Variants in PIGK observed in about 807,000 individuals in gnomAD.
The protein encoded by PIGK is GPI-anchor transamidase.
PIGK carries 42 observed loss-of-function variants against 50.6 expected under a neutral mutation model. That is an observed-to-expected ratio of 0.83 (90% CI 0.65 to 1.07). The LOEUF (loss-of-function observed/expected upper bound fraction) is 1.07, where lower values mean the gene tolerates loss of function less well. PIGK is among the 50% of genes least tolerant of loss of function. PIGK has a pLI of 0.00. For synonymous variants in PIGK, 151 were observed against 156.0 expected, an observed-to-expected ratio of 0.97 and a Z score of 0.24; for missense variants, 448 against 488.7, an observed-to-expected ratio of 0.92 and a Z score of 0.78.
At chr1:77,217,047 A>G (rs985539766) in intron 1 of PIGK, among the ~76,000 whole-genome samples, 2 of 152,226 alleles carry the variant, frequency 1.3e-5, no homozygotes, top group African/African-American at 4.8e-5. Context: ...TCAAGAATCC[A>G]GAGTTCAATA....
At chr1:77,141,302 A>T (rs920016882) in intron 9 of PIGK, among the ~76,000 whole-genome samples, 1 of 152,118 alleles carries the variant, frequency 6.6e-6, no homozygotes, top group Non-Finnish European at 1.5e-5. Flanking sequence ...AAGAACTCTT[A>T]TATTTCATTA....
intron 2 of PIGK, among the ~76,000 whole-genome samples, chr1:77,207,229 T>C (rs1198825704): frequency 1.3e-5 from 2 of 152,198 alleles, no homozygotes; most frequent in African/African-American, 4.8e-5. Context: ...TAACTAGTAT[T>C]AGATTTTAAA....
At chr1:77,172,050 C>G (rs1461945647) in intron 3 of PIGK, among the ~76,000 whole-genome samples, 1 of 149,114 alleles carries the variant, frequency 6.7e-6, no homozygotes, top group Admixed American at 6.7e-5. Context: ...AGAAGAGCTT[C>G]AAGTCTGGTT....
In PIGK at chr1:77,089,534, C is replaced by T. The variant is rs1653252445; in HGVS notation, c.*2840G>A. 1 of 152,604 alleles carries T rather than the reference C, an allele frequency of 6.6e-6. No individual in the cohort carries two copies. The highest frequency in any genetic ancestry group is 1.5e-5 in the Non-Finnish European group (1 of 68,040). The allele number at this position is 152,604 out of a possible 1,614,324, so 9.5% of individuals were successfully genotyped here. A position where few individuals can be genotyped will look rare whatever the true frequency, so the allele number is the denominator to read the frequency against. On this transcript the variant is annotated 3_prime_UTR_variant, in exon 11 of 11. Coordinates refer to ENST00000370812, the MANE Select transcript of PIGK (RefSeq NM_005482.3). ...TTTCAAATTATGATTCCCACAGTAA[C>T]TGTAACTCTGGTATACAACATACAT... is the stretch of plus-strand genomic sequence containing the variant.
chr1:77,212,004 T>A (rs992952019), intron 1 of PIGK, among the ~76,000 whole-genome samples: 1 of 152,082 alleles, frequency 6.6e-6, no homozygotes, highest in African/African-American at 2.4e-5. Context: ...TCATTCAGTA[T>A]CCATTCTTAC....
Position 77,219,378 on chromosome 1 carries a change from G to T in PIGK, c.25C>A (p.Arg9=). 1.2e-6 allele frequency: 2 copies of T among 1,613,698 alleles called. No homozygotes were observed. The highest frequency in any genetic ancestry group is 1.3e-5 in the African/African-American group (1 of 75,048). The change falls in exon 1 of 11, where the codon CGG becomes AGG. Residue 9 remains arginine, a synonymous_variant. Coordinates refer to ENST00000370812, the MANE Select transcript of PIGK (RefSeq NM_005482.3). ...ACAGTTGCCAAGACAGTCGCAGCCC[G>T]GCTGAGGCTGTCGGTGACGGCCATG... MAVTDSLS[R]AATVLATVLL...
intron 9 of PIGK, among the ~76,000 whole-genome samples, chr1:77,148,474 G>A (rs553453233): frequency 5.9e-5 from 9 of 151,936 alleles, no homozygotes; most frequent in Non-Finnish European, 1.2e-4. Flanking sequence ...AACAATCTTC[G>A]GCAATGACAA....
chr1:77,131,917 T>C (rs1397539437), intron 9 of PIGK, among the ~76,000 whole-genome samples: 1 of 152,066 alleles, frequency 6.6e-6, no homozygotes, highest in Non-Finnish European at 1.5e-5. Flanking sequence ...AGGAAGCTTT[T>C]TTATTCTGTT....
intron 10 of PIGK, among the ~76,000 whole-genome samples, chr1:77,096,899 T>TTTTTTTTTG (rs1653421518): frequency 2.1e-5 from 3 of 141,210 alleles, no homozygotes; most frequent in African/African-American, 8.3e-5. Flanking sequence ...TTTTTTTTTG[T>TTTTTTTTTG]TTTTTTGTTT....
At chr1:77,179,350 A>T (rs1655559869) in intron 3 of PIGK, among the ~76,000 whole-genome samples, 1 of 152,246 alleles carries the variant, frequency 6.6e-6, no homozygotes, top group Non-Finnish European at 1.5e-5. Flanking sequence ...ATGTGGTCTG[A>T]GAAGGACTCT....
In PIGK at chr1:77,153,272, C is replaced by G. The variant is rs557186955; in HGVS notation, c.986+1177G>C. ...ATGCCAGGCACAGAAAGACAAATAT[C>G]ACATATTCTCATTCACATGTGGGAG... is the stretch of plus-strand genomic sequence containing the variant. On this transcript the variant is annotated intron_variant, in intron 9 of 10. Transcript: ENST00000370812. Among the ~76,000 whole-genome samples, 8 of 152,168 alleles carry G rather than the reference C, an allele frequency of 5.3e-5. No individual in the cohort carries two copies. The South Asian group carries it at 1.7e-3, about 32-fold the overall frequency.
At chr1:77,148,708 T>C (rs965829055) in intron 9 of PIGK, among the ~76,000 whole-genome samples, 2 of 149,060 alleles carry the variant, frequency 1.3e-5, no homozygotes, top group Non-Finnish European at 2.9e-5. Flanking sequence ...TTAGCATCAG[T>C]TTTTGTTTTT....
At chr1:77,191,862 C>A (rs1216888706) in intron 3 of PIGK, among the ~76,000 whole-genome samples, 3 of 152,158 alleles carry the variant, frequency 2.0e-5, no homozygotes, top group Non-Finnish European at 4.4e-5. Context: ...CCTGTCTCTA[C>A]AAAAAATACA....
intron 10 of PIGK, among the ~76,000 whole-genome samples, chr1:77,096,703 G>A (rs1488892229): frequency 1.3e-5 from 2 of 152,060 alleles, no homozygotes; most frequent in Non-Finnish European, 2.9e-5. Context: ...GCAGAATTGT[G>A]AGCTAAATAA....
intron 3 of PIGK, among the ~76,000 whole-genome samples, chr1:77,203,040 T>C (rs966202628): frequency 1.3e-5 from 2 of 152,188 alleles, no homozygotes; most frequent in African/African-American, 4.8e-5. Context: ...GTTAAAGATA[T>C]GTATATTTTT....
intron 9 of PIGK, among the ~76,000 whole-genome samples, chr1:77,123,713 G>A (rs531121206): frequency 2.0e-5 from 3 of 151,944 alleles, no homozygotes; most frequent in African/African-American, 7.2e-5. Flanking sequence ...ATGGATGGGG[G>A]GATGATAGTT....
chr1:77,108,438 A>C (rs1653748393), intron 10 of PIGK, among the ~76,000 whole-genome samples: 1 of 152,146 alleles, frequency 6.6e-6, no homozygotes, highest in South Asian at 2.1e-4. Context: ...TCTGGCTTGT[A>C]GAGTTTCTGC....
chr1:77,179,335 A>G (rs1201383963), intron 3 of PIGK, among the ~76,000 whole-genome samples: 1 of 152,230 alleles, frequency 6.6e-6, no homozygotes, highest in Non-Finnish European at 1.5e-5. Context: ...GGTAAAGTGA[A>G]CTAAATGTGG....
In PIGK at chr1:77,161,595, G is replaced by A. The variant is rs756182989; in HGVS notation, c.701C>T (p.Ser234Leu). 4.4e-6 allele frequency: 6 copies of A among 1,359,676 alleles called. No individual in the cohort carries two copies. Among genetic ancestry groups the A allele is most frequent in the Non-Finnish European group, 5.3e-6 (5 of 947,886 alleles). 84.2% of individuals were successfully genotyped at this position (1,359,676 alleles called of 1,614,324 possible). A position where few individuals can be genotyped will look rare whatever the true frequency, so the allele number is the denominator to read the frequency against. ...TACAAATGGGGAAAATGCACATACC[G>A]AGAGTGAATCTTCTCCCACTTGACT... ...ASSQVGEDSL[S>L]HQPDPAIGVH... The change falls in exon 7 of 11, where the codon TCG becomes TTG. Residue 234 changes from serine (S) to leucine (L), a missense_variant and splice_region_variant. Physicochemically the swap from Ser to Leu is moderately radical, Grantham distance 145. Transcript: ENST00000370812.
Sources: gnomAD v4.1 joint callset for allele counts (sites outside exome capture counted in the v4.1 genomes callset) on GRCh38, gnomAD v4.1.1 for gene constraint, MANE v1.5 for transcripts, NCBI Gene and HGNC (gene_info 2026-07-23, HGNC 2026-07-21) for gene names.